CEP120: variants seen among roughly 807,000 people sequenced by gnomAD.
The protein encoded by CEP120 is centrosomal protein 120, also known as centrosomal protein of 120 kDa.
CEP120 carries 113 observed loss-of-function variants against 126.5 expected under a neutral mutation model. The ratio of observed to expected loss-of-function variants is 0.89; its 90% CI spans 0.77 to 1.04. CEP120 has a LOEUF of 1.04. Among genes scored for constraint, CEP120 ranks in the 50% least tolerant of loss-of-function variants. The pLI, the probability that CEP120 is intolerant of heterozygous loss-of-function variation, is 0.00. For synonymous variants in CEP120, 400 were observed against 394.3 expected (o/e 1.01, Z -0.17); for missense variants, 1,230 against 1,155.7 (o/e 1.06, Z -0.93).
chr5:123,384,287 CTTGT>C (rs34265929), intron 11 of CEP120, among the ~76,000 whole-genome samples: 60,599 of 151,370 alleles, frequency 0.4, 12,224 homozygotes, highest in East Asian at 0.48. Context: ...TTCACTGAGC[CTTGT>C]TTCTCTTTTT....
rs777630050 is a variant in CEP120 at position 123,391,232 on chromosome 5, C to T, written c.916G>A (p.Glu306Lys). The change falls in exon 7 of 20, where the codon GAA becomes AAA. Residue 306 changes from glutamate to lysine, a missense_variant. Transcript: ENST00000306467. ...GGAGGGTCAAGGGTAAAAGCACCTT[C>T]GACTGTGACTGGGTGCTGGTTGATT... ...TEINQHPVTV[E>K]GAFTLDPPNR... 24 of 1,613,956 alleles carry T rather than the reference C, an allele frequency of 1.5e-5. No individual in the cohort carries two copies. Among genetic ancestry groups the T allele is most frequent in the East Asian group, 2.2e-5 (1 of 44,882 alleles).
chr5:123,412,958 T>C (rs1167461779), intron 3 of CEP120, among the ~76,000 whole-genome samples: 1 of 152,188 alleles, frequency 6.6e-6, no homozygotes, highest in Non-Finnish European at 1.5e-5. Context: ...CCTGCTTCGT[T>C]CTGCTTATAT....
intron 4 of CEP120, among the ~76,000 whole-genome samples, chr5:123,411,247 C>A (rs58039148): frequency 0.28 from 42,575 of 152,030 alleles, 6,135 homozygotes; most frequent in Middle Eastern, 0.3. Flanking sequence ...CCAAATAGCA[C>A]GGCCACTTTG....
Position 123,384,987 on chromosome 5 carries a change from G to A in CEP120, c.1727C>T (p.Thr576Ile). ...TATAACAGGCACACTTTCACTGTAAGTTTGACGCCAACACTGTTCACCATT... is the reference window on the plus strand; with the variant it reads ...TATAACAGGCACACTTTCACTGTAAATTTGACGCCAACACTGTTCACCATT... Reference protein sequence around the residue: ...GSNGEQCWRQTYSESVPVIAA... With the variant: ...GSNGEQCWRQIYSESVPVIAA... Residue 576 changes from threonine to isoleucine, a missense_variant, in exon 11 of 20, where the codon ACT (threonine) becomes ATT (isoleucine). Thr to Ile is a moderately conservative substitution (Grantham distance 89). Transcript: ENST00000306467. 1.2e-6 allele frequency: 2 copies of A among 1,612,456 alleles called. No homozygotes were observed. The highest frequency in any genetic ancestry group is 2.7e-5 in the African/African-American group (2 of 74,914).
chr5:123,353,193 A>T (rs1769321600), intron 18 of CEP120, among the ~76,000 whole-genome samples: 1 of 151,924 alleles, frequency 6.6e-6, no homozygotes, highest in Non-Finnish European at 1.5e-5. Context: ...CTCATTTCTG[A>T]TCTCAGAAGA....
rs62376439 is a variant in CEP120, at chr5:123,402,367, C to T, written c.464-3083G>A. Reference sequence around the variant, plus strand: ...TGGTGGAGGCAGGAGTGGAGGCAGGCGGGCCGAACCAGGCAGAGATCCTAG... The same window carrying T: ...TGGTGGAGGCAGGAGTGGAGGCAGGTGGGCCGAACCAGGCAGAGATCCTAG... On this transcript the variant is annotated intron_variant, in intron 4 of 19. Coordinates refer to ENST00000306467, the MANE Select transcript of CEP120 (RefSeq NM_001375405.1). 2.4e-5 allele frequency: 33 copies of T among 1,376,152 alleles called. No homozygotes were observed. The Admixed American group carries it at 4.9e-4, about 21-fold the overall frequency. The allele number at this position is 1,376,152 out of a possible 1,614,324, so 85.2% of individuals were successfully genotyped here.
rs926001709 is a variant in CEP120 at position 123,391,430 on chromosome 5, T to G, written c.811-93A>C. On this transcript the variant is annotated intron_variant, in intron 6 of 19. Transcript: ENST00000306467. Reference sequence around the variant, plus strand: ...TAATAAGAAGTTGTAAAATGATGCATGGAAAGAAAATATTATGCAGGTTAT... The same window carrying G: ...TAATAAGAAGTTGTAAAATGATGCAGGGAAAGAAAATATTATGCAGGTTAT... 1.2e-5 allele frequency: 12 copies of G among 994,078 alleles called. No individual in the cohort carries two copies. In the African/African-American group the frequency reaches 1.6e-4, roughly 13 times the overall value. The allele number at this position is 994,078 out of a possible 1,614,324, so 61.6% of individuals were successfully genotyped here.
At chr5:123,395,519 C>T (rs192104310) in intron 5 of CEP120, among the ~76,000 whole-genome samples, 12 of 152,226 alleles carry the variant, frequency 7.9e-5, no homozygotes, top group African/African-American at 2.9e-4. Flanking sequence ...TCTCCTGCCC[C>T]CAGTCCCTGG....
At chr5:123,355,191 G>A (rs1285621487) in intron 18 of CEP120, among the ~76,000 whole-genome samples, 1 of 152,088 alleles carries the variant, frequency 6.6e-6, no homozygotes, top group African/African-American at 2.4e-5. Context: ...ATCGTTGTTG[G>A]ACATTTGGGT....
At chr5:123,362,240 G>T (rs1770134941) in intron 18 of CEP120, among the ~76,000 whole-genome samples, 1 of 151,642 alleles carries the variant, frequency 6.6e-6, no homozygotes, top group South Asian at 2.1e-4. Context: ...TCTTGTCAAT[G>T]ATGGCATTTT....
chr5:123,423,118 G>A lies in CEP120; in HGVS notation c.-120C>T, dbSNP rs898903100. ...TGCCCGCCCCCGGTCCCTGATGCCC[G>A]GACCCCGCTCCGCAGCCAGGTCCCA... On this transcript the variant is annotated 5_prime_UTR_variant, in exon 1 of 20. Transcript: ENST00000306467. 2.0e-5 allele frequency: 16 copies of A among 811,678 alleles called. No individual in the cohort carries two copies. Among genetic ancestry groups the A allele is most frequent in the Non-Finnish European group, 1.9e-5 (9 of 485,602 alleles). The allele number at this position is 811,678 out of a possible 1,614,324, so 50.3% of individuals were successfully genotyped here. A position where few individuals can be genotyped will look rare whatever the true frequency, so the allele number is the denominator to read the frequency against.
chr5:123,423,340 C>T lies in CEP120; in HGVS notation c.-342G>A, dbSNP rs1376858628. On this transcript the variant is annotated 5_prime_UTR_variant, in exon 1 of 20. Transcript: ENST00000306467. ...CGGGCGGCCGCAGCGGCCGCCGCCGCGCCCAGCTTCCGCCTAGCAACCAGG... is the reference window on the plus strand; with the variant it reads ...CGGGCGGCCGCAGCGGCCGCCGCCGTGCCCAGCTTCCGCCTAGCAACCAGG... 3 of 343,496 alleles carry T rather than the reference C, an allele frequency of 8.7e-6. No homozygotes were observed. Among genetic ancestry groups the T allele is most frequent in the African/African-American group, 6.6e-5 (3 of 45,308 alleles). 21.3% of individuals were successfully genotyped at this position (343,496 alleles called of 1,614,324 possible). A position where few individuals can be genotyped will look rare whatever the true frequency, so the allele number is the denominator to read the frequency against.
chr5:123,391,042 T>G, intron 7 of CEP120, 68 bp downstream of exon 7: 8 of 1,166,074 alleles, frequency 6.9e-6, no homozygotes, highest in Non-Finnish European at 9.8e-6. Flanking sequence ...CTTCTGAAAT[T>G]CAACTTTTGT....
rs2127055393 is a variant in CEP120 at position 123,384,843 on chromosome 5, G to A, written c.1763+108C>T. 5.5e-6 allele frequency: 5 copies of A among 912,022 alleles called. No individual in the cohort carries two copies. In the South Asian group the frequency reaches 8.9e-5, roughly 16 times the overall value. 56.5% of individuals were successfully genotyped at this position (912,022 alleles called of 1,614,324 possible). The stretch of plus-strand genomic sequence containing the variant: ...AAGGAGGTTATGAAAGGGTGAAGTG[G>A]TGGATCAGAAAAAAGAGGTTATGGA... On this transcript the variant is annotated intron_variant, in intron 11 of 19. Transcript: ENST00000306467.
chr5:123,388,631 A>T, intron 8 of CEP120, 25 bp from the exon 9 acceptor site: 1 of 1,499,824 alleles, frequency 6.7e-7, no homozygotes, highest in Admixed American at 2.3e-5. Flanking sequence ...AAATAAAACA[A>T]AATAATCACA....
At chr5:123,417,379 A>T (rs1774455105) in intron 2 of CEP120, among the ~76,000 whole-genome samples, 1 of 152,184 alleles carries the variant, frequency 6.6e-6, no homozygotes, top group Non-Finnish European at 1.5e-5. Context: ...CCAGAAGAAA[A>T]TATATTTTTA....
rs1368696232 is a variant in CEP120, at chr5:123,391,281, T to C, written c.867A>G (p.Gly289=). ...TTTCTGTACTGCCCTTTTTAAGTAA[T>C]CCAGTTAAAGGTATTTCTGTACTTC... ...SLGSTEIPLT[G]LLKKGSTEIN... The change falls in exon 7 of 20, where the codon GGA becomes GGG. Residue 289 remains glycine (G), a synonymous_variant. Transcript: ENST00000306467. The C allele has an allele frequency of 1.9e-6, 3 of 1,614,170 alleles. No individual in the cohort carries two copies. The highest frequency in any genetic ancestry group is 4.5e-5 in the East Asian group (2 of 44,870).
intron 5 of CEP120, among the ~76,000 whole-genome samples, chr5:123,394,702 A>G (rs1772650431): frequency 6.6e-6 from 1 of 152,202 alleles, no homozygotes; most frequent in African/African-American, 2.4e-5. Flanking sequence ...ACACATAATA[A>G]ATGTAAGTTA....
Position 123,390,078 on chromosome 5 carries a change from TA to T in CEP120, c.1100del (p.Leu367Ter), listed in dbSNP as rs1772293132. Reference sequence around the variant, plus strand: ...TAAGTGTCTTCTCCTTTATGGGGGTTAAAACTTTCTTCTTTGAATGCTCTGG... The same window carrying T: ...TAAGTGTCTTCTCCTTTATGGGGGTTAAACTTTCTTCTTTGAATGCTCTGG... ...HEPEHSKKKV[L>X]TPIKEKTLTG... On this transcript the variant is annotated frameshift_variant, in exon 8 of 20. Coordinates refer to ENST00000306467, the MANE Select transcript of CEP120 (RefSeq NM_001375405.1). LOFTEE classifies it high-confidence loss of function. 1 of 1,614,014 alleles carries T rather than the reference TA, an allele frequency of 6.2e-7. No homozygotes were observed. Among genetic ancestry groups the T allele is most frequent in the Admixed American group, 1.7e-5 (1 of 59,998 alleles).
Sources: gnomAD v4.1 joint callset for allele counts (sites outside exome capture counted in the v4.1 genomes callset) on GRCh38, gnomAD v4.1.1 for gene constraint, MANE v1.5 for transcripts, NCBI Gene and HGNC (gene_info 2026-07-23, HGNC 2026-07-21) for gene names.